The following CFAP43 variants were observed in gnomAD, a reference collection of about 807,000 sequenced individuals.
CFAP43 encodes cilia- and flagella-associated protein 43.
A neutral mutation model predicts 218.9 loss-of-function variants in CFAP43; 155 were observed. The ratio of observed to expected loss-of-function variants is 0.71; its 90% CI spans 0.62 to 0.81. CFAP43 has a LOEUF of 0.81. CFAP43 is among the 30% of genes least tolerant of loss of function. The probability of loss-of-function intolerance (pLI) is 0.00; values close to 1 mark genes in which losing one functional copy is unlikely to be tolerated. For missense variants in CFAP43, 1,778 were observed against 1,954.3 expected (o/e 0.91, Z 1.70); for synonymous variants, 645 against 681.3 (o/e 0.95, Z 0.83).
intron 19 of CFAP43, among the ~76,000 whole-genome samples, chr10:104,174,337 A>G (rs940611733): frequency 1.3e-5 from 2 of 152,244 alleles, no homozygotes; most frequent in African/African-American, 4.8e-5. Flanking sequence ...CAGAAAGTGA[A>G]AGGAAAGGCA....
At position 104,143,585 on chromosome 10, in the gene CFAP43, T is replaced by A. The variant is rs2087808546; in HGVS notation, c.3999A>T (p.Glu1333Asp). ...SETTSVVPFGELPGSGKLNKD... is the reference protein window; with the variant it reads ...SETTSVVPFGDLPGSGKLNKD... ...TATTCAACTTGCCAGATCCTGGTAG[T>A]TCTCCGAAAGGGACAACGCTGGTTG... The change falls in exon 32 of 38, where the codon GAA becomes GAT. Residue 1333 changes from glutamate to aspartate, a missense_variant. Glu to Asp is a conservative substitution (Grantham distance 45, BLOSUM62 2). Transcript: ENST00000357060. The A allele has an allele frequency of 6.2e-7, 1 of 1,614,100 alleles. No individual in the cohort carries two copies. The highest frequency in any genetic ancestry group is 1.7e-5 in the Admixed American group (1 of 60,012).
chr10:104,198,077 G>T (rs775138497), intron 8 of CFAP43, 39 bp from the exon 9 acceptor site: 23 of 1,247,812 alleles, frequency 1.8e-5, no homozygotes, highest in Non-Finnish European at 2.3e-6. Context: ...CATTGTAATT[G>T]TTGTGTATAT....
chr10:104,232,319 G>A lies in CFAP43; in HGVS notation c.-73C>T, dbSNP rs1249964802. 4.2e-6 allele frequency: 6 copies of A among 1,416,882 alleles called. No homozygotes were observed. The highest frequency in any genetic ancestry group is 5.6e-6 in the Non-Finnish European group (6 of 1,071,406). 87.8% of individuals were successfully genotyped at this position (1,416,882 alleles called of 1,614,324 possible). ...AGGGCGGGTCGGTTACCTTTCCGCCGCCGCGGGGCTGCGGGCCGCGACGCC... is the reference window on the plus strand; with the variant it reads ...AGGGCGGGTCGGTTACCTTTCCGCCACCGCGGGGCTGCGGGCCGCGACGCC... On this transcript the variant is annotated 5_prime_UTR_variant, in exon 1 of 38. Coordinates refer to ENST00000357060, the MANE Select transcript of CFAP43 (RefSeq NM_025145.7).
At chr10:104,220,450 C>A (rs535567121) in intron 3 of CFAP43, among the ~76,000 whole-genome samples, 61 of 152,176 alleles carry the variant, frequency 4.0e-4, no homozygotes, top group African/African-American at 1.5e-3. Context: ...TGTGAGATGC[C>A]CCTACTACAG....
At chr10:104,145,206 T>G (rs1194828574) in intron 31 of CFAP43, among the ~76,000 whole-genome samples, 2 of 152,242 alleles carry the variant, frequency 1.3e-5, no homozygotes, top group Non-Finnish European at 2.9e-5. Context: ...ACTTCCTTAA[T>G]GTACAAAGCA....
rs766142826 is a variant in CFAP43, at chr10:104,179,833, C to A, written c.2382+7G>T. 3.1e-6 allele frequency: 5 copies of A among 1,610,268 alleles called. No individual in the cohort carries two copies. The highest frequency in any genetic ancestry group is 1.1e-5 in the South Asian group (1 of 90,590). On this transcript the variant is annotated splice_region_variant and intron_variant, in intron 18 of 37. Transcript: ENST00000357060. Reference sequence around the variant, plus strand: ...TATTTCAAACCTACCCCATGTTTCACAAATACCTCTTGGCTTTTTTGTTGT... The same window carrying A: ...TATTTCAAACCTACCCCATGTTTCAAAAATACCTCTTGGCTTTTTTGTTGT...
chr10:104,156,156 T>C (rs2088531468), intron 27 of CFAP43, among the ~76,000 whole-genome samples: 1 of 150,466 alleles, frequency 6.6e-6, no homozygotes, highest in East Asian at 2.0e-4. Context: ...AAGGAAGAGG[T>C]GGAAATTAGG....
At chr10:104,159,664 C>A (rs527290601) in intron 27 of CFAP43, among the ~76,000 whole-genome samples, 1 of 152,232 alleles carries the variant, frequency 6.6e-6, no homozygotes, top group Admixed American at 6.5e-5. Flanking sequence ...AGGGAAATAA[C>A]TTTTAGTTGT....
In CFAP43 at chr10:104,146,356, C is replaced by G. The variant is rs780791951; in HGVS notation, c.3769-7G>C. The stretch of plus-strand genomic sequence containing the variant: ...CAGCTTCTGAAGTCTGGCTCTATAA[C>G]AGCATCAGGAATAGTTGATTGAAAC... On this transcript the variant is annotated splice_polypyrimidine_tract_variant and splice_region_variant and intron_variant, in intron 29 of 37. Transcript: ENST00000357060. The G allele has an allele frequency of 2.7e-5, 43 of 1,611,374 alleles. No homozygotes were observed. The Middle Eastern group carries it at 6.6e-4, about 25-fold the overall frequency.
intron 15 of CFAP43, 64 bp from the exon 16 acceptor site, chr10:104,185,210 T>C: frequency 1.3e-6 from 2 of 1,590,894 alleles, no homozygotes; most frequent in Non-Finnish European, 1.7e-6. Context: ...GCTTTTCTAA[T>C]GGGGTTATAT....
chr10:104,168,641 G>C, intron 21 of CFAP43, 103 bp downstream of exon 21: 1 of 910,428 alleles, frequency 1.1e-6, no homozygotes. Flanking sequence ...CATGCTCTCA[G>C]TGCTTTGCTA....
intron 2 of CFAP43, among the ~76,000 whole-genome samples, chr10:104,227,531 CA>C (rs1035884590): frequency 6.6e-6 from 1 of 152,094 alleles, no homozygotes; most frequent in Non-Finnish European, 1.5e-5. Flanking sequence ...TGAGATGAAA[CA>C]TTTTTTGATG....
intron 16 of CFAP43, 113 bp downstream of exon 16, chr10:104,184,903 T>C: frequency 6.8e-7 from 1 of 1,470,832 alleles, no homozygotes; most frequent in Non-Finnish European, 9.0e-7. Flanking sequence ...CAAACTTTCT[T>C]TGCACTGGCA....
In CFAP43 at chr10:104,143,600, A is replaced by G. The variant is rs371856598; in HGVS notation, c.3984T>C (p.Val1328=). Reference sequence around the variant, plus strand: ...ATCCTGGTAGTTCTCCGAAAGGGACAACGCTGGTTGTTTCTGAGTGCGTTT... The same window carrying G: ...ATCCTGGTAGTTCTCCGAAAGGGACGACGCTGGTTGTTTCTGAGTGCGTTT... ...KQKTHSETTS[V]VPFGELPGSG... The change falls in exon 32 of 38, where the codon GTT becomes GTC. Residue 1328 remains valine (V), a synonymous_variant. Transcript: ENST00000357060. 1 of 1,614,110 alleles carries G rather than the reference A, an allele frequency of 6.2e-7. No homozygotes were observed. Among genetic ancestry groups the G allele is most frequent in the Non-Finnish European group, 8.5e-7 (1 of 1,180,040 alleles).
At chr10:104,183,597 G>A (rs573422699) in intron 16 of CFAP43, among the ~76,000 whole-genome samples, 5 of 151,946 alleles carry the variant, frequency 3.3e-5, no homozygotes, top group Non-Finnish European at 2.9e-5. Flanking sequence ...CACCTTGTTA[G>A]CCAGGATGGT....
At chr10:104,174,872 C>G (rs1473793140) in intron 19 of CFAP43, among the ~76,000 whole-genome samples, 1 of 151,242 alleles carries the variant, frequency 6.6e-6, no homozygotes, top group African/African-American at 2.4e-5. Flanking sequence ...TGGCTAACAC[C>G]GTGAAACACC....
chr10:104,195,277 C>T (rs2090351883), intron 10 of CFAP43, among the ~76,000 whole-genome samples: 1 of 152,134 alleles, frequency 6.6e-6, no homozygotes, highest in African/African-American at 2.4e-5. Flanking sequence ...GTACCTGTAT[C>T]CCTCCTTGCC....
Position 104,196,930 on chromosome 10 carries a change from GTGTC to G in CFAP43, c.1213-1_1215del. 1 of 1,608,732 alleles carries G rather than the reference GTGTC, an allele frequency of 6.2e-7. No individual in the cohort carries two copies. Among genetic ancestry groups the G allele is most frequent in the Non-Finnish European group, 8.5e-7 (1 of 1,178,390 alleles). On this transcript the variant is annotated splice_acceptor_variant and coding_sequence_variant, in exon 10 of 38. Coordinates refer to ENST00000357060, the MANE Select transcript of CFAP43 (RefSeq NM_025145.7). LOFTEE classifies it high-confidence loss of function. Reference sequence around the variant, plus strand: ...ACACAAATTTCCCCTGAATATGTAAGTGTCTGTAAAAAAAGAAAAACAAAAACTC... The same window carrying G: ...ACACAAATTTCCCCTGAATATGTAAGTGTAAAAAAAGAAAAACAAAAACTC...
chr10:104,220,949 CGTGTGTGTGTGTGTGTGT>C (rs68093596), intron 3 of CFAP43, among the ~76,000 whole-genome samples: 8 of 143,580 alleles, frequency 5.6e-5, no homozygotes, highest in African/African-American at 1.5e-4. Context: ...TATGAGTGAG[CGTGTGTGTGTGTGTGTGT>C]GTGTGTGTGT....
Sources: allele counts gnomAD v4.1 joint callset (sites outside exome capture counted in the v4.1 genomes callset), GRCh38; gene constraint gnomAD v4.1.1; transcripts MANE v1.5; gene names NCBI Gene and HGNC (gene_info 2026-07-23, HGNC 2026-07-21).